The following DPYSL2 variants were observed in gnomAD, a reference collection of about 807,000 sequenced individuals.
The protein encoded by DPYSL2 is dihydropyrimidinase like 2.
A neutral mutation model predicts 69.9 loss-of-function variants in DPYSL2; 13 were observed. The ratio of observed to expected loss-of-function variants is 0.19; its 90% confidence interval spans 0.12 to 0.30. The LOEUF (loss-of-function observed/expected upper bound fraction) is 0.30, where lower values mean the gene tolerates loss of function less well. Ranked by LOEUF, DPYSL2 falls within the 10% of genes least tolerant of loss-of-function variation. The pLI is 1.00. For synonymous variants in DPYSL2, 326 were observed against 359.1 expected, an observed-to-expected ratio of 0.91 and a Z score of 1.04; for missense variants, 587 against 918.9, an observed-to-expected ratio of 0.64 and a Z score of 4.67.
At chr8:26,547,727 T>G in intron 1 of DPYSL2, 1 of 236,532 alleles carries the variant, frequency 4.2e-6, no homozygotes. Context: ...CCTTGTGGAG[T>G]GCATCTGAGC....
chr8:26,586,204 C>T lies in DPYSL2; in HGVS notation c.628+2221C>T, dbSNP rs959723997. ...AGGAGTTAGGAGTCTGGAGTGCTGG[C>T]CCCCTTCTGACACTGACTTGCCGTG... On this transcript the variant is annotated intron_variant, in intron 3 of 13. Transcript: ENST00000521913. This position sits in a 1 kb window ranked among gnomAD's most constrained non-coding sequence, Gnocchi z 4.7. Among the ~76,000 whole-genome samples the T allele has an allele frequency of 1.3e-4, 20 of 152,148 alleles. No individual in the cohort carries two copies. The highest frequency in any genetic ancestry group is 1.9e-4 in the East Asian group (1 of 5,194).
chr8:26,622,025 TCTGCCCAAA>T (rs1301387089), intron 3 of DPYSL2, among the ~76,000 whole-genome samples: 15 of 152,178 alleles, frequency 9.9e-5, no homozygotes, highest in Non-Finnish European at 1.5e-5. Context: ...GTAGGGAGAT[TCTGCCCAAA>T]CTGATTGCTA....
chr8:26,622,613 CT>C (rs1041660877), intron 3 of DPYSL2, among the ~76,000 whole-genome samples: 1 of 152,072 alleles, frequency 6.6e-6, no homozygotes, highest in African/African-American at 2.4e-5. Flanking sequence ...AGCAATTCTC[CT>C]GCCTCAGCCT....
intron 1 of DPYSL2, among the ~76,000 whole-genome samples, chr8:26,539,664 C>T (rs1019981419): frequency 2.6e-5 from 4 of 152,140 alleles, no homozygotes; most frequent in South Asian, 4.1e-4. Flanking sequence ...CTCAGCCTCC[C>T]GAGTAGCTGG....
chr8:26,610,235 A>G lies in DPYSL2; in HGVS notation c.629-13908A>G, dbSNP rs1802195835. ...GGGATCGTTTGTGTTATCTGCTCTG[A>G]TAGGTGGTTTTACTTGCATTTGATT... On this transcript the variant is annotated intron_variant, in intron 3 of 13. Coordinates refer to ENST00000521913, the MANE Select transcript of DPYSL2 (RefSeq NM_001197293.3). This position sits in a 1 kb window ranked among gnomAD's most constrained non-coding sequence, Gnocchi z 4.5. Among the ~76,000 whole-genome samples the G allele has an allele frequency of 6.6e-6, 1 of 152,128 alleles. No homozygotes were observed. Among genetic ancestry groups the G allele is most frequent in the Non-Finnish European group, 1.5e-5 (1 of 68,016 alleles).
rs540910862 is a variant in DPYSL2, at chr8:26,591,349, T to C, written c.628+7366T>C. Reference sequence around the variant, plus strand: ...GACCTTTGGATGTGAGGGTCAGGCATTCAGTGGTCGGGTCTCAGGGTTCCT... The same window carrying C: ...GACCTTTGGATGTGAGGGTCAGGCACTCAGTGGTCGGGTCTCAGGGTTCCT... On this transcript the variant is annotated intron_variant, in intron 3 of 13. Transcript: ENST00000521913. The surrounding 1 kb of genome is among the most constrained non-coding windows in gnomAD (Gnocchi z 5.8). Among the ~76,000 whole-genome samples the C allele has an allele frequency of 2.6e-4, 39 of 152,310 alleles. No individual in the cohort carries two copies. The highest frequency in any genetic ancestry group is 9.1e-4 in the African/African-American group (38 of 41,576).
In DPYSL2 at chr8:26,588,961, G is replaced by A. The variant is rs955185120; in HGVS notation, c.628+4978G>A. On this transcript the variant is annotated intron_variant, in intron 3 of 13. Transcript: ENST00000521913. The surrounding 1 kb of genome is among the most constrained non-coding windows in gnomAD (Gnocchi z 5.4). ...ATTTGACTTTTGTCACCTCTTCCTG[G>A]ATTTTGGCCCTGTCCTCTGAGGAGT... is the stretch of plus-strand genomic sequence containing the variant. Among the ~76,000 whole-genome samples, 3 of 152,170 alleles carry A rather than the reference G, an allele frequency of 2.0e-5. No homozygotes were observed. Among genetic ancestry groups the A allele is most frequent in the African/African-American group, 4.8e-5 (2 of 41,438 alleles).
At chr8:26,622,545 C>T (rs1323029432) in intron 3 of DPYSL2, among the ~76,000 whole-genome samples, 3 of 150,924 alleles carry the variant, frequency 2.0e-5, no homozygotes, top group African/African-American at 4.9e-5. Flanking sequence ...CTCTGTTGCC[C>T]TGGCTGGAGT....
In DPYSL2 at chr8:26,643,686, C is replaced by A; in HGVS notation, c.1283+91C>A. ...GCGAAAACAACATGGTGGCCAAGAG[C>A]AGCCATAAAACTGGGAGACCCTTGT... On this transcript the variant is annotated intron_variant, in intron 9 of 13. Coordinates refer to ENST00000521913, the MANE Select transcript of DPYSL2 (RefSeq NM_001197293.3). The surrounding 1 kb of genome is among the most constrained non-coding windows in gnomAD (Gnocchi z 6.5). The A allele has an allele frequency of 6.3e-7, 1 of 1,576,668 alleles. No individual in the cohort carries two copies. Among genetic ancestry groups the A allele is most frequent in the Non-Finnish European group, 8.7e-7 (1 of 1,152,046 alleles).
At position 26,556,306 on chromosome 8, in the gene DPYSL2, GTA is replaced by G. The variant is rs374633257; in HGVS notation, c.355-25654_355-25653del. ...ATATAATATATATAGTATATATATAGTATATATATACTATATATATAGTATAT... is the reference window on the plus strand; with the variant it reads ...ATATAATATATATAGTATATATATAGTATATATACTATATATATAGTATAT... On this transcript the variant is annotated intron_variant, in intron 1 of 13. Coordinates refer to ENST00000521913, the MANE Select transcript of DPYSL2 (RefSeq NM_001197293.3). Among the ~76,000 whole-genome samples, 5 of 14,966 alleles carry G rather than the reference GTA, an allele frequency of 3.3e-4. 1 individual carries two copies. Among genetic ancestry groups the G allele is most frequent in the Non-Finnish European group, 6.0e-4 (5 of 8,332 alleles). 9.8% of individuals were successfully genotyped at this position (14,966 alleles called of 152,430 possible).
At position 26,643,928 on chromosome 8, in the gene DPYSL2, A is replaced by ACGTTATG. The variant is rs748711430; in HGVS notation, c.1284-20_1284-14dup. ...AGCATCTTGACGAAGCTGCAGCACC[A>ACGTTATG]CGTTATGCATTTTCTTTGCAGTGGA... is the stretch of plus-strand genomic sequence containing the variant. On this transcript the variant is annotated intron_variant, in intron 9 of 13. Transcript: ENST00000521913. The surrounding 1 kb of genome is among the most constrained non-coding windows in gnomAD (Gnocchi z 6.5). 1.6e-5 allele frequency: 26 copies of ACGTTATG among 1,610,874 alleles called. No homozygotes were observed. In the Admixed American group the frequency reaches 4.3e-4, roughly 27 times the overall value.
At chr8:26,541,155 GA>G (rs1315180429) in intron 1 of DPYSL2, among the ~76,000 whole-genome samples, 1 of 152,138 alleles carries the variant, frequency 6.6e-6, no homozygotes, top group East Asian at 1.9e-4. Flanking sequence ...AGCAGCAAGA[GA>G]AAAGTGATTT....
chr8:26,651,436 T>G (rs1156764190), intron 11 of DPYSL2, among the ~76,000 whole-genome samples: 1 of 152,176 alleles, frequency 6.6e-6, no homozygotes, highest in African/African-American at 2.4e-5. Flanking sequence ...AACCTATTAA[T>G]CCTCTAGTCC....
chr8:26,559,063 C>G (rs946883596), intron 1 of DPYSL2, among the ~76,000 whole-genome samples: 1 of 152,168 alleles, frequency 6.6e-6, no homozygotes, highest in Non-Finnish European at 1.5e-5. Context: ...TGGCCTCAGC[C>G]TCTTGAGTAA....
intron 3 of DPYSL2, among the ~76,000 whole-genome samples, chr8:26,604,723 G>T (rs183397792): frequency 1.3e-5 from 2 of 151,418 alleles, no homozygotes; most frequent in Non-Finnish European, 2.9e-5. Context: ...GTGCTATCTC[G>T]GCTCACTGCA....
chr8:26,547,907 CA>C, intron 1 of DPYSL2: 1 of 270,544 alleles, frequency 3.7e-6, no homozygotes, highest in Non-Finnish European at 7.8e-6. Flanking sequence ...CTGAAATCCC[CA>C]TCCCAGACCC....
In DPYSL2 at chr8:26,593,546, C is replaced by T. The variant is rs1801788420; in HGVS notation, c.628+9563C>T. 6.6e-6 allele frequency among the ~76,000 whole-genome samples: 1 copy of T among 152,222 alleles called. No individual in the cohort carries two copies. Among genetic ancestry groups the T allele is most frequent in the Non-Finnish European group, 1.5e-5 (1 of 68,042 alleles). On this transcript the variant is annotated intron_variant, in intron 3 of 13. Coordinates refer to ENST00000521913, the MANE Select transcript of DPYSL2 (RefSeq NM_001197293.3). The surrounding 1 kb of genome is among the most constrained non-coding windows in gnomAD (Gnocchi z 5.7). The stretch of plus-strand genomic sequence containing the variant: ...TGCTATCTGGCCAGGGTGGAGTCTA[C>T]AGCCAGATGCTCCCCAGAAGCTTAA...
rs2129967744 is a variant in DPYSL2 at position 26,642,468 on chromosome 8, T to TA, written c.1127-970dup. On this transcript the variant is annotated intron_variant, in intron 8 of 13. Transcript: ENST00000521913. This position sits in a 1 kb window ranked among gnomAD's most constrained non-coding sequence, Gnocchi z 5.3. ...AGAGAATGCCATGGAAAGATTATATTATAGTGGATCACTCTGGAAGTGTCA... is the reference window on the plus strand; with the variant it reads ...AGAGAATGCCATGGAAAGATTATATTAATAGTGGATCACTCTGGAAGTGTCA... 1.3e-5 allele frequency among the ~76,000 whole-genome samples: 2 copies of TA among 152,282 alleles called. No homozygotes were observed. Among genetic ancestry groups the TA allele is most frequent in the East Asian group, 3.9e-4 (2 of 5,186 alleles).
chr8:26,514,266 G>T lies in DPYSL2; in HGVS notation c.-60G>T, dbSNP rs943587458. On this transcript the variant is annotated 5_prime_UTR_variant, in exon 1 of 14. Coordinates refer to ENST00000521913, the MANE Select transcript of DPYSL2 (RefSeq NM_001197293.3). This position sits in a 1 kb window ranked among gnomAD's most constrained non-coding sequence, Gnocchi z 8.4. The stretch of plus-strand genomic sequence containing the variant: ...GGGGGCTTGTGCACACAGCGAGGGA[G>T]ACTTAGGGACTGGCAGACGGACGGA... 7.3e-7 allele frequency: 1 copy of T among 1,372,702 alleles called. No individual in the cohort carries two copies. The highest frequency in any genetic ancestry group is 1.6e-5 in the South Asian group (1 of 64,414). 85.0% of individuals were successfully genotyped at this position (1,372,702 alleles called of 1,614,324 possible).
Sources: allele counts gnomAD v4.1 joint callset (sites outside exome capture counted in the v4.1 genomes callset), GRCh38; gene constraint gnomAD v4.1.1; non-coding constraint Gnocchi (gnomAD v3.1); transcripts MANE v1.5; gene names NCBI Gene and HGNC (gene_info 2026-07-23, HGNC 2026-07-21).